The following RFX5 variants were observed in gnomAD, a reference collection of about 807,000 sequenced individuals.
The protein encoded by RFX5 is DNA-binding protein RFX5.
Under a neutral mutation model 41.2 loss-of-function variants are expected in RFX5, and 30 were observed. The ratio of observed to expected loss-of-function variants is 0.73; its 90% CI spans 0.54 to 0.99. The LOEUF is 0.99. Ranked by LOEUF, RFX5 falls within the 50% of genes least tolerant of loss-of-function variation. RFX5 has a pLI of 0.00. For synonymous variants in RFX5, 231 were observed against 291.8 expected (o/e 0.79, Z 2.12); for missense variants, 715 against 773.6 (o/e 0.92, Z 0.90).
At chr1:151,345,340 T>A (rs1650915824) in intron 4 of RFX5, 152 bp from the exon 5 acceptor site, 2 of 643,966 alleles carry the variant, frequency 3.1e-6, no homozygotes, top group Non-Finnish European at 5.6e-6. Flanking sequence ...CCGGGCACGG[T>A]GGCTCACGCC....
chr1:151,346,021 G>A, intron 3 of RFX5, 60 bp from the exon 4 acceptor site: 3 of 1,612,568 alleles, frequency 1.9e-6, no homozygotes, highest in Non-Finnish European at 2.5e-6. Context: ...CTCTTTATCT[G>A]ACTGCTAGGG....
Position 151,346,419 on chromosome 1 carries a change from T to C in RFX5, c.-14+70A>G, listed in dbSNP as rs41270732. 5,962 of 1,009,722 alleles carry C rather than the reference T, an allele frequency of 5.9e-3. 41 individuals carry two copies. The highest frequency in any genetic ancestry group is 8.6e-3 in the South Asian group (638 of 74,038). The allele number at this position is 1,009,722 out of a possible 1,614,324, so 62.5% of individuals were successfully genotyped here. ...GGCCCCAGGGCACTCCTCATCTCTTTACCCAGAAAGGCAGAGAAACAGAAA... is the reference window on the plus strand; with the variant it reads ...GGCCCCAGGGCACTCCTCATCTCTTCACCCAGAAAGGCAGAGAAACAGAAA... On this transcript the variant is annotated intron_variant, in intron 2 of 10. Transcript: ENST00000452671.
In RFX5 at chr1:151,344,200, C is replaced by T; in HGVS notation, c.552G>A (p.Glu184=). 1 of 1,614,176 alleles carries T rather than the reference C, an allele frequency of 6.2e-7. No individual in the cohort carries two copies. The highest frequency in any genetic ancestry group is 8.5e-7 in the Non-Finnish European group (1 of 1,180,002). Residue 184 remains glutamate (E), a synonymous_variant, in exon 8 of 11, where the codon GAG becomes GAA. Coordinates refer to ENST00000452671, the MANE Select transcript of RFX5 (RefSeq NM_001025603.2). The stretch of plus-strand genomic sequence containing the variant: ...TGGAAGGTGATTTGGTACTTACACT[C>T]TCAGAACCCTTTAGGTCAAGTCCAG... The part of the protein sequence containing the change: ...PLPGLDLKGS[E]SPEMGPEVTP...
chr1:151,344,033 T>C (rs1650767130), intron 8 of RFX5, 151 bp from the exon 9 acceptor site: 5 of 1,111,544 alleles, frequency 4.5e-6, no homozygotes, highest in Non-Finnish European at 6.6e-6. Flanking sequence ...GCCCACAAGT[T>C]CTCTTCATCC....
At chr1:151,346,091 T>C in intron 3 of RFX5, 114 bp downstream of exon 3, 1 of 1,556,482 alleles carries the variant, frequency 6.4e-7, no homozygotes. Context: ...GCCAAAAATC[T>C]CCCTCTGCTC....
Position 151,346,172 on chromosome 1 carries a change from T to C in RFX5, c.116+33A>G, listed in dbSNP as rs2233844. 1,134 of 1,603,502 alleles carry C rather than the reference T, an allele frequency of 7.1e-4. 13 individuals are homozygous for C. The East Asian group carries it at 0.024, about 34-fold the overall frequency. On this transcript the variant is annotated intron_variant, in intron 3 of 10. Transcript: ENST00000452671. Reference sequence around the variant, plus strand: ...GCTGCAGGGATCTATACTCAGGTCTTGGACAGGACTTGGAGATGTGATGAG... The same window carrying C: ...GCTGCAGGGATCTATACTCAGGTCTCGGACAGGACTTGGAGATGTGATGAG...
intron 6 of RFX5, 25 bp downstream of exon 6, chr1:151,344,703 T>TCCCCCC: frequency 2.7e-5 from 41 of 1,515,562 alleles, no homozygotes; most frequent in Non-Finnish European, 3.4e-5. Context: ...AATCCACTCA[T>TCCCCCC]CCCACCACCC....
rs1409830018 is a variant in RFX5 at position 151,342,417 on chromosome 1, G to A, written c.1620C>T (p.Ser540=). The A allele has an allele frequency of 6.2e-7, 1 of 1,614,066 alleles. No homozygotes were observed. Among genetic ancestry groups the A allele is most frequent in the Non-Finnish European group, 8.5e-7 (1 of 1,180,026 alleles). Reference sequence around the variant, plus strand: ...GGGAACCGGGGCCCCTTCCTCCTTTGGAAACAGTACCATCTCCCTGACCCT... The same window carrying A: ...GGGAACCGGGGCCCCTTCCTCCTTTAGAAACAGTACCATCTCCCTGACCCT... ...LAQGQGDGTV[S]KGGRGPGSQH... is the part of the protein sequence containing the mutation. The change falls in exon 11 of 11, where the codon TCC becomes TCT. Residue 540 remains serine, a synonymous_variant. Transcript: ENST00000452671.
chr1:151,343,719 G>C lies in RFX5; in HGVS notation c.719C>G (p.Ser240Cys), dbSNP rs1650729647. 1.9e-6 allele frequency: 3 copies of C among 1,614,150 alleles called. No homozygotes were observed. Among genetic ancestry groups the C allele is most frequent in the Non-Finnish European group, 2.5e-6 (3 of 1,180,040 alleles). ...GGCCTTAAGCACATGGGCATGTGCA[G>C]ATCGGGCAGAGATGAGATGCTGCTG... The part of the protein sequence containing the change: ...LLQQHLISAR[S>C]AHAHVLKAMG... The change falls in exon 9 of 11, where the codon TCT becomes TGT. Residue 240 changes from serine (S) to cysteine (C), a missense_variant. By Grantham distance (112) the Ser-to-Cys change is moderately radical. Transcript: ENST00000452671.
At chr1:151,346,767 C>T (rs888837339) in intron 1 of RFX5, 161 bp from the exon 2 acceptor site, 1 of 200,186 alleles carries the variant, frequency 5.0e-6, no homozygotes, top group Non-Finnish European at 1.1e-5. Context: ...TTGCATATGC[C>T]TGGGAGGTCA....
Position 151,342,801 on chromosome 1 carries a change from T to C in RFX5, c.1236A>G (p.Thr412=), listed in dbSNP as rs771403545. 1.4e-5 allele frequency: 22 copies of C among 1,614,090 alleles called. No homozygotes were observed. In the East Asian group the frequency reaches 4.5e-4, roughly 33 times the overall value. Residue 412 remains threonine, a synonymous_variant, in exon 11 of 11, where the codon ACA becomes ACG. Coordinates refer to ENST00000452671, the MANE Select transcript of RFX5 (RefSeq NM_001025603.2). Reference sequence around the variant, plus strand: ...CACCTATGCCTACCTCTCTGTTCTCTGTGCCCCGGGGCTGAGTGAGTCCCC... The same window carrying C: ...CACCTATGCCTACCTCTCTGTTCTCCGTGCCCCGGGGCTGAGTGAGTCCCC... ...PPGGLTQPRG[T]ENREVGIGGD...
At position 151,343,543 on chromosome 1, in the gene RFX5, T is replaced by C. The variant is rs1273992864; in HGVS notation, c.758-101A>G. 7 of 1,414,052 alleles carry C rather than the reference T, an allele frequency of 5.0e-6. No homozygotes were observed. The East Asian group carries it at 1.7e-4, about 33-fold the overall frequency. 87.6% of individuals were successfully genotyped at this position (1,414,052 alleles called of 1,614,324 possible). ...TTGACTGACTGGTAGAGACAGGAAA[T>C]GGGGTGCTAAAGCATGTCTTAGAAG... is the stretch of plus-strand genomic sequence containing the variant. On this transcript the variant is annotated intron_variant, in intron 9 of 10. Coordinates refer to ENST00000452671, the MANE Select transcript of RFX5 (RefSeq NM_001025603.2).
chr1:151,342,875 C>T lies in RFX5; in HGVS notation c.1162G>A (p.Val388Ile). Residue 388 changes from valine (V) to isoleucine (I), a missense_variant, in exon 11 of 11, where the codon GTT becomes ATT. By Grantham distance (29) the Val-to-Ile change is conservative. Transcript: ENST00000452671. ...GGTCCAGGTCCAGGCAAAGCAGGAACAGTTGGTAAGATCATGTTAATGATG... is the reference window on the plus strand; with the variant it reads ...GGTCCAGGTCCAGGCAAAGCAGGAATAGTTGGTAAGATCATGTTAATGATG... ...VPIINMILPTVPALPGPGPGP... is the reference protein window; with the variant it reads ...VPIINMILPTIPALPGPGPGP... 6.2e-7 allele frequency: 1 copy of T among 1,614,214 alleles called. No individual in the cohort carries two copies. The highest frequency in any genetic ancestry group is 8.5e-7 in the Non-Finnish European group (1 of 1,180,046).
rs560010491 is a variant in RFX5, at chr1:151,344,552, G to A, written c.354-16C>T. 1 of 1,614,188 alleles carries A rather than the reference G, an allele frequency of 6.2e-7. No homozygotes were observed. Among genetic ancestry groups the A allele is most frequent in the Admixed American group, 1.7e-5 (1 of 60,028 alleles). Reference sequence around the variant, plus strand: ...ACAGTACTTCCTGAGTGAGAGGGGAGCAGAGTGGGAAGATACTCAGAGAAG... The same window carrying A: ...ACAGTACTTCCTGAGTGAGAGGGGAACAGAGTGGGAAGATACTCAGAGAAG... On this transcript the variant is annotated splice_polypyrimidine_tract_variant and intron_variant, in intron 6 of 10. Coordinates refer to ENST00000452671, the MANE Select transcript of RFX5 (RefSeq NM_001025603.2).
chr1:151,345,332 G>A lies in RFX5; in HGVS notation c.151-144C>T, dbSNP rs542535859. 15 of 679,862 alleles carry A rather than the reference G, an allele frequency of 2.2e-5. 1 individual carries two copies. Among genetic ancestry groups the A allele is most frequent in the Admixed American group, 6.4e-5 (3 of 46,780 alleles). 42.1% of individuals were successfully genotyped at this position (679,862 alleles called of 1,614,324 possible). A position where few individuals can be genotyped will look rare whatever the true frequency, so the allele number is the denominator to read the frequency against. ...ACCTTAGAAATTATTTGACAAGGCC[G>A]GGCACGGTGGCTCACGCCTACAATC... is the stretch of plus-strand genomic sequence containing the variant. On this transcript the variant is annotated intron_variant, in intron 4 of 10. Transcript: ENST00000452671.
Position 151,345,106 on chromosome 1 carries a change from C to A in RFX5, c.233G>T (p.Ser78Ile). The change falls in exon 5 of 11, where the codon AGC (serine) becomes ATC (isoleucine). Residue 78 changes from serine to isoleucine, a missense_variant and splice_region_variant. Transcript: ENST00000452671. ...CATCTAAAACTACTATCAAACCTAC[C>A]TTTTGTCTCCAGTGGTGGGTCCTGA... Reference protein sequence around the residue: ...LPSGPTTGDKSSEPSTLSNEE... With the variant: ...LPSGPTTGDKISEPSTLSNEE... The A allele has an allele frequency of 1.2e-6, 2 of 1,613,790 alleles. No individual in the cohort carries two copies. Among genetic ancestry groups the A allele is most frequent in the Non-Finnish European group, 1.7e-6 (2 of 1,179,694 alleles).
chr1:151,343,174 G>T lies in RFX5; in HGVS notation c.863C>A (p.Pro288His). Residue 288 changes from proline to histidine, a missense_variant, in exon 11 of 11, where the codon CCT becomes CAT. Physicochemically the swap from Pro to His is moderately conservative, Grantham distance 77 (BLOSUM62 -2). Transcript: ENST00000452671. ...CCCAGTTCGGGCTTCCAGATCCTTA[G>T]GAGGCTAAAAAGTAAAGAGAGGAAC... The part of the protein sequence containing the change: ...HKKPERLAQP[P>H]KDLEARTGAG... The T allele has an allele frequency of 6.2e-7, 1 of 1,611,200 alleles. No individual in the cohort carries two copies. Among genetic ancestry groups the T allele is most frequent in the Non-Finnish European group, 8.5e-7 (1 of 1,180,018 alleles).
chr1:151,344,158 G>A, intron 8 of RFX5, 39 bp downstream of exon 8: 1 of 1,597,920 alleles, frequency 6.3e-7, no homozygotes, highest in South Asian at 1.1e-5. Flanking sequence ...CTTTTACCTG[G>A]GAGAGAAGAG....
intron 4 of RFX5, 30 bp downstream of exon 4, chr1:151,345,898 C>G (rs1403766626): frequency 1.9e-6 from 3 of 1,613,948 alleles, no homozygotes; most frequent in Non-Finnish European, 2.5e-6. Context: ...ATTTCCATCC[C>G]TCTCTTGCCC....
Sources: gnomAD v4.1 joint callset for allele counts on GRCh38, gnomAD v4.1.1 for gene constraint, MANE v1.5 for transcripts, NCBI Gene and HGNC (gene_info 2026-07-23, HGNC 2026-07-21) for gene names.